The following CEP170 variants were observed in gnomAD, a reference collection of about 807,000 sequenced individuals.
The protein encoded by CEP170 is centrosomal protein of 170 kDa.
In CEP170, 21 loss-of-function variants were observed where a neutral mutation model predicts 151.9. That is an observed-to-expected ratio of 0.14 (90% CI 0.10 to 0.20). The LOEUF (loss-of-function observed/expected upper bound fraction) is 0.20. Among genes scored for constraint, CEP170 ranks in the 10% least tolerant of loss-of-function variants. The probability of loss-of-function intolerance (pLI) is 1.00; values close to 1 mark genes in which losing one functional copy is unlikely to be tolerated. For missense variants in CEP170, 964 were observed against 1,892.9 expected, an observed-to-expected ratio of 0.51 and a Z score of 9.11; for synonymous variants, 356 against 648.8, an observed-to-expected ratio of 0.55 and a Z score of 6.86.
At chr1:243,180,398 G>T (rs1447898529) in intron 10 of CEP170, among the ~76,000 whole-genome samples, 1 of 152,200 alleles carries the variant, frequency 6.6e-6, no homozygotes, top group Non-Finnish European at 1.5e-5. Context: ...GGTTAAGAAG[G>T]GTTGAGGAGA....
chr1:243,200,955 T>C, intron 4 of CEP170, 120 bp from the exon 5 acceptor site: 1 of 1,038,152 alleles, frequency 9.6e-7, no homozygotes. Flanking sequence ...AATTATTATA[T>C]TTCCCCTGAA....
At chr1:243,252,165 G>GC (rs1241045733) in intron 1 of CEP170, among the ~76,000 whole-genome samples, 1 of 152,084 alleles carries the variant, frequency 6.6e-6, no homozygotes, top group Non-Finnish European at 1.5e-5. Context: ...TACTCACCAA[G>GC]CATTCTTCAA....
chr1:243,247,014 T>C (rs760741413), intron 1 of CEP170, among the ~76,000 whole-genome samples: 3 of 152,100 alleles, frequency 2.0e-5, no homozygotes, highest in Non-Finnish European at 4.4e-5. Context: ...TTTACCCCTA[T>C]TATCATCAAG....
intron 14 of CEP170, among the ~76,000 whole-genome samples, chr1:243,155,378 T>C: frequency 6.6e-6 from 1 of 152,096 alleles, no homozygotes; most frequent in South Asian, 2.1e-4. Flanking sequence ...TTTAAAAGCA[T>C]CTATGAAATA....
At chr1:243,243,186 T>C (rs2065028882) in intron 1 of CEP170, among the ~76,000 whole-genome samples, 1 of 152,000 alleles carries the variant, frequency 6.6e-6, no homozygotes, top group African/African-American at 2.4e-5. Flanking sequence ...ATCATGCCAC[T>C]GCACTCCAGC....
intron 2 of CEP170, among the ~76,000 whole-genome samples, chr1:243,224,969 G>A (rs1374291747): frequency 6.6e-6 from 1 of 152,122 alleles, no homozygotes; most frequent in Non-Finnish European, 1.5e-5. Flanking sequence ...TTTATTCTGA[G>A]AATTTATTTT....
chr1:243,201,797 T>C (rs1304979039), intron 4 of CEP170, among the ~76,000 whole-genome samples: 1 of 152,154 alleles, frequency 6.6e-6, no homozygotes, highest in Non-Finnish European at 1.5e-5. Context: ...GTCCCTCCTG[T>C]TTCATAAATA....
chr1:243,126,182 A>G lies in CEP170; in HGVS notation c.*267T>C. On this transcript the variant is annotated 3_prime_UTR_variant, in exon 20 of 20. Coordinates refer to ENST00000366542, the MANE Select transcript of CEP170 (RefSeq NM_014812.3). ...TATGAAGGGAAAGGGTGTAATCATTAAATTCAATTTGAAAATCATAAAACC... is the reference window on the plus strand; with the variant it reads ...TATGAAGGGAAAGGGTGTAATCATTGAATTCAATTTGAAAATCATAAAACC... 1 of 544,370 alleles carries G rather than the reference A, an allele frequency of 1.8e-6. No homozygotes were observed. The highest frequency in any genetic ancestry group is 2.2e-5 in the Admixed American group (1 of 44,998). The allele number at this position is 544,370 out of a possible 1,614,324, so 33.7% of individuals were successfully genotyped here.
At chr1:243,224,784 G>C (rs893105979) in intron 2 of CEP170, among the ~76,000 whole-genome samples, 2 of 152,078 alleles carry the variant, frequency 1.3e-5, no homozygotes, top group African/African-American at 4.8e-5. Flanking sequence ...CTTCACTTAT[G>C]CTTGAACTCC....
intron 1 of CEP170, among the ~76,000 whole-genome samples, chr1:243,244,878 A>G (rs1285147455): frequency 1.3e-5 from 2 of 152,228 alleles, no homozygotes; most frequent in African/African-American, 4.8e-5. Flanking sequence ...AATTTAAATC[A>G]CAAATATGAT....
intron 2 of CEP170, among the ~76,000 whole-genome samples, chr1:243,224,431 A>G (rs2063065794): frequency 6.6e-6 from 1 of 152,044 alleles, no homozygotes; most frequent in Non-Finnish European, 1.5e-5. Flanking sequence ...CATAAAATAC[A>G]CTAACAACAG....
At chr1:243,153,859 G>C in intron 14 of CEP170, among the ~76,000 whole-genome samples, 1 of 152,070 alleles carries the variant, frequency 6.6e-6, no homozygotes, top group Non-Finnish European at 1.5e-5. Context: ...TATTTCATTT[G>C]GTTATCTGTA....
intron 4 of CEP170, among the ~76,000 whole-genome samples, chr1:243,210,495 G>A (rs1413911689): frequency 2.0e-5 from 3 of 150,850 alleles, no homozygotes; most frequent in Non-Finnish European, 4.4e-5. Context: ...ACTATTTAAT[G>A]GTTTGGCTTT....
intron 3 of CEP170, among the ~76,000 whole-genome samples, chr1:243,214,712 TC>T (rs1337697304): frequency 3.3e-5 from 5 of 152,174 alleles, no homozygotes; most frequent in African/African-American, 1.2e-4. Flanking sequence ...GGATATATGT[TC>T]CAGGTGAATA....
chr1:243,194,643 T>C (rs2789154), intron 7 of CEP170, among the ~76,000 whole-genome samples: 3 of 152,012 alleles, frequency 2.0e-5, no homozygotes, highest in Non-Finnish European at 2.9e-5. Flanking sequence ...AAGTACCTAA[T>C]AGAAAACTAT....
In CEP170 at chr1:243,186,323, T is replaced by C. The variant is rs1339071849; in HGVS notation, c.1208A>G (p.His403Arg). The stretch of plus-strand genomic sequence containing the variant: ...CTGTAGCTTTTTGTGTTCTGAATGG[T>C]GGCGTCTTAAGTGTTCCTCAAGAGT... Reference protein sequence around the residue: ...RATLEEHLRRHHSEHKKLQKV... With the variant: ...RATLEEHLRRRHSEHKKLQKV... Residue 403 changes from histidine (H) to arginine (R), a missense_variant, in exon 9 of 20, where the codon CAC (histidine) becomes CGC (arginine). By Grantham distance (29) the His-to-Arg change is conservative. Coordinates refer to ENST00000366542, the MANE Select transcript of CEP170 (RefSeq NM_014812.3). The C allele has an allele frequency of 6.2e-7, 1 of 1,613,650 alleles. No individual in the cohort carries two copies. The highest frequency in any genetic ancestry group is 2.2e-5 in the East Asian group (1 of 44,898).
chr1:243,136,874 G>A (rs1011620330), intron 16 of CEP170, among the ~76,000 whole-genome samples: 9 of 151,482 alleles, frequency 5.9e-5, no homozygotes, highest in Non-Finnish European at 1.2e-4. Context: ...TACAATCCTT[G>A]TTCTTCAGCA....
chr1:243,235,760 A>C (rs2064192041), intron 1 of CEP170, among the ~76,000 whole-genome samples: 1 of 152,136 alleles, frequency 6.6e-6, no homozygotes, highest in South Asian at 2.1e-4. Flanking sequence ...GTCTGAGTTT[A>C]TTATATATTT....
chr1:243,204,356 T>A (rs1572262143), intron 4 of CEP170, among the ~76,000 whole-genome samples: 1 of 152,324 alleles, frequency 6.6e-6, no homozygotes, highest in East Asian at 1.9e-4. Flanking sequence ...TATGATATGA[T>A]GTATTGGAGT....
Sources: gnomAD v4.1 joint callset for allele counts (sites outside exome capture counted in the v4.1 genomes callset) on GRCh38, gnomAD v4.1.1 for gene constraint, MANE v1.5 for transcripts, NCBI Gene and HGNC (gene_info 2026-07-23, HGNC 2026-07-21) for gene names.